IL15RA: variants seen among roughly 807,000 people sequenced by gnomAD.
The protein encoded by IL15RA is interleukin 15 receptor subunit alpha, also known as interleukin-15 receptor subunit alpha.
A neutral mutation model predicts 24.2 loss-of-function variants in IL15RA; 26 were observed. The ratio of observed to expected loss-of-function variants is 1.07; its 90% CI spans 0.79 to 1.49. IL15RA has a LOEUF of 1.49. Among genes scored for constraint, IL15RA ranks in the 40% most tolerant of loss-of-function variants. IL15RA has a pLI of 0.00. For synonymous variants in IL15RA, 166 were observed against 157.6 expected, an observed-to-expected ratio of 1.05 and a Z score of -0.40; for missense variants, 354 against 356.4, an observed-to-expected ratio of 0.99 and a Z score of 0.05.
Position 5,966,160 on chromosome 10 carries a change from T to C in IL15RA, c.268A>G (p.Ser90Gly), listed in dbSNP as rs1411019646. Residue 90 changes from serine to glycine, a missense_variant, in exon 2 of 7, where the codon AGT becomes GGT. Ser to Gly is a moderately conservative substitution (Grantham distance 56, BLOSUM62 0). Transcript: ENST00000379977. The surrounding 1 kb of genome is among the most constrained non-coding windows in gnomAD (Gnocchi z 6.4). ...ATNVAHWTTP[S>G]LKCIRDPALV... Reference sequence around the variant, plus strand: ...GGCTACTCACTAATGCATTTGAGACTGGGGGTTGTCCAGTGGGCGACATTC... The same window carrying C: ...GGCTACTCACTAATGCATTTGAGACCGGGGGTTGTCCAGTGGGCGACATTC... 1 of 1,608,696 alleles carries C rather than the reference T, an allele frequency of 6.2e-7. No individual in the cohort carries two copies. Among genetic ancestry groups the C allele is most frequent in the Non-Finnish European group, 8.5e-7 (1 of 1,175,396 alleles).
chr10:5,967,560 T>C lies in IL15RA; in HGVS notation c.89-1221A>G, dbSNP rs1836793153. Among the ~76,000 whole-genome samples, 1 of 152,214 alleles carries C rather than the reference T, an allele frequency of 6.6e-6. No individual in the cohort carries two copies. The highest frequency in any genetic ancestry group is 2.1e-4 in the South Asian group (1 of 4,830). ...CACCTTATTCCCCATGAAGCATCATTTTCCCAAAGGCTGCTGTTGCTTTCA... is the reference window on the plus strand; with the variant it reads ...CACCTTATTCCCCATGAAGCATCATCTTCCCAAAGGCTGCTGTTGCTTTCA... On this transcript the variant is annotated intron_variant, in intron 1 of 6. Coordinates refer to ENST00000379977, the MANE Select transcript of IL15RA (RefSeq NM_002189.4). This position sits in a 1 kb window ranked among gnomAD's most constrained non-coding sequence, Gnocchi z 4.4.
Position 5,953,162 on chromosome 10 carries a change from G to C in IL15RA, c.737C>G (p.Ala246Gly). 6.2e-7 allele frequency: 1 copy of C among 1,614,244 alleles called. No individual in the cohort carries two copies. Among genetic ancestry groups the C allele is most frequent in the Non-Finnish European group, 8.5e-7 (1 of 1,180,030 alleles). Residue 246 changes from alanine (A) to glycine (G), a missense_variant, in exon 7 of 7, where the codon GCT (alanine) becomes GGT (glycine). Physicochemically the swap from Ala to Gly is moderately conservative, Grantham distance 60. Transcript: ENST00000379977. The surrounding 1 kb of genome is among the most constrained non-coding windows in gnomAD (Gnocchi z 5.3). ...GCTGGTCCCCCAAGTCACCGGCAGA[G>C]CCTCCATGGCTTCCATTTCAACGCT... ...LASVEMEAME[A>G]LPVTWGTSSR...
At position 5,977,494 on chromosome 10, in the gene IL15RA, G is replaced by A; in HGVS notation, c.-2C>T. 2 of 1,351,560 alleles carry A rather than the reference G, an allele frequency of 1.5e-6. No homozygotes were observed. Among genetic ancestry groups the A allele is most frequent in the Non-Finnish European group, 1.9e-6 (2 of 1,053,330 alleles). The allele number at this position is 1,351,560 out of a possible 1,614,324, so 83.7% of individuals were successfully genotyped here. A position where few individuals can be genotyped will look rare whatever the true frequency, so the allele number is the denominator to read the frequency against. On this transcript the variant is annotated 5_prime_UTR_variant, in exon 1 of 7. Coordinates refer to ENST00000379977, the MANE Select transcript of IL15RA (RefSeq NM_002189.4). ...GCCGCGCGCCCGCCGCGGGGCCATG[G>A]CGGCAGCTCCACAGGACACCGCTGG...
At chr10:5,949,236 G>A (rs746122561), downstream of IL15RA, 3 of 471,272 alleles carry the variant, frequency 6.4e-6, no homozygotes, top group Non-Finnish European at 8.8e-6. The surrounding 1 kb of genome is among the most constrained non-coding windows in gnomAD (Gnocchi z 4.4). Flanking sequence ...ACTTTTCTCT[G>A]TGAGCTGCAA....
In IL15RA at chr10:5,961,872, G is replaced by A. The variant is rs8177694; in HGVS notation, c.383-1305C>T. Among the ~76,000 whole-genome samples the A allele has an allele frequency of 1.3e-5, 2 of 152,152 alleles. No homozygotes were observed. The highest frequency in any genetic ancestry group is 4.8e-5 in the African/African-American group (2 of 41,442). On this transcript the variant is annotated intron_variant, in intron 3 of 6. Coordinates refer to ENST00000379977, the MANE Select transcript of IL15RA (RefSeq NM_002189.4). The surrounding 1 kb of genome is among the most constrained non-coding windows in gnomAD (Gnocchi z 5.2). ...TCCCAGCCACACAGGTCATGAGAAG[G>A]CCTCACGCCCCTTAATCCTGTGTCA...
rs536133551 is a variant in IL15RA at position 5,953,576 on chromosome 10, C to A, written c.693-370G>T. 2.6e-5 allele frequency among the ~76,000 whole-genome samples: 4 copies of A among 152,278 alleles called. No individual in the cohort carries two copies. Among genetic ancestry groups the A allele is most frequent in the African/African-American group, 9.6e-5 (4 of 41,558 alleles). On this transcript the variant is annotated intron_variant, in intron 6 of 6. Coordinates refer to ENST00000379977, the MANE Select transcript of IL15RA (RefSeq NM_002189.4). This position sits in a 1 kb window ranked among gnomAD's most constrained non-coding sequence, Gnocchi z 5.3. ...AACCTCCCCATCCACCAAAGACTCA[C>A]CAAGTGCTGTTGGAGCAACTTACGC...
upstream of IL15RA, chr10:5,977,759 G>A: frequency 1.3e-6 from 1 of 779,482 alleles, no homozygotes; most frequent in Non-Finnish European, 1.7e-6. Flanking sequence ...CGTGCCCGGT[G>A]GGGACCCAGG....
chr10:5,963,784 C>A lies in IL15RA; in HGVS notation c.341G>T (p.Gly114Val), dbSNP rs765137239. 2 of 1,531,726 alleles carry A rather than the reference C, an allele frequency of 1.3e-6. No homozygotes were observed. Among genetic ancestry groups the A allele is most frequent in the South Asian group, 2.6e-5 (2 of 76,304 alleles). The allele number at this position is 1,531,726 out of a possible 1,614,324, so 94.9% of individuals were successfully genotyped here. A position where few individuals can be genotyped will look rare whatever the true frequency, so the allele number is the denominator to read the frequency against. ...GAGGCTCTCTGGCTGTGGGGTCACCCCTGCCGTCGTTACTGTGGAGGGTGG... is the reference window on the plus strand; with the variant it reads ...GAGGCTCTCTGGCTGTGGGGTCACCACTGCCGTCGTTACTGTGGAGGGTGG... ...PAPPSTVTTA[G>V]VTPQPESLSP... The change falls in exon 3 of 7, where the codon GGG (glycine) becomes GTG (valine). Residue 114 changes from glycine to valine, a missense_variant. Gly to Val is a moderately radical substitution (Grantham distance 109). Transcript: ENST00000379977. The surrounding 1 kb of genome is among the most constrained non-coding windows in gnomAD (Gnocchi z 5.3).
At position 5,968,884 on chromosome 10, in the gene IL15RA, A is replaced by G. The variant is rs778235997; in HGVS notation, c.89-2545T>C. 1.1e-4 allele frequency: 146 copies of G among 1,315,668 alleles called. No individual in the cohort carries two copies. The highest frequency in any genetic ancestry group is 1.5e-4 in the Non-Finnish European group (143 of 946,216). 81.5% of individuals were successfully genotyped at this position (1,315,668 alleles called of 1,614,324 possible). Reference sequence around the variant, plus strand: ...TGGACCTCATGGTTGAAGCTTTCAGATATTCTGCTCCTTCCCGCCAGGACA... The same window carrying G: ...TGGACCTCATGGTTGAAGCTTTCAGGTATTCTGCTCCTTCCCGCCAGGACA... On this transcript the variant is annotated intron_variant, in intron 1 of 6. Transcript: ENST00000379977. This position sits in a 1 kb window ranked among gnomAD's most constrained non-coding sequence, Gnocchi z 5.4.
chr10:5,949,398 T>G, downstream of IL15RA: 1 of 470,086 alleles, frequency 2.1e-6, no homozygotes, highest in South Asian at 1.5e-5. This position sits in a 1 kb window ranked among gnomAD's most constrained non-coding sequence, Gnocchi z 4.4. Context: ...TAATATTACC[T>G]AAAATATGCA....
In IL15RA at chr10:5,961,591, C is replaced by T. The variant is rs561643602; in HGVS notation, c.383-1024G>A. ...AGCCTGGGCTCTGGCCTGAACTCTC[C>T]GGGCTGTGTGGGAGGAAAGCGTCCT... On this transcript the variant is annotated intron_variant, in intron 3 of 6. Transcript: ENST00000379977. This position sits in a 1 kb window ranked among gnomAD's most constrained non-coding sequence, Gnocchi z 5.2. 1.8e-4 allele frequency among the ~76,000 whole-genome samples: 28 copies of T among 152,316 alleles called. No individual in the cohort carries two copies. In the South Asian group the frequency reaches 3.3e-3, roughly 18 times the overall value.
chr10:5,966,444 G>A lies in IL15RA; in HGVS notation c.89-105C>T, dbSNP rs532568154. On this transcript the variant is annotated intron_variant, in intron 1 of 6. Transcript: ENST00000379977. The surrounding 1 kb of genome is among the most constrained non-coding windows in gnomAD (Gnocchi z 6.4). The stretch of plus-strand genomic sequence containing the variant: ...TCAGTGTCCAGCTTATCCTAGGGGT[G>A]CCTCAGGACAAGCCCCAGGTGCCAG... 2 of 924,032 alleles carry A rather than the reference G, an allele frequency of 2.2e-6. No homozygotes were observed. Among genetic ancestry groups the A allele is most frequent in the Non-Finnish European group, 3.3e-6 (2 of 605,832 alleles). 57.2% of individuals were successfully genotyped at this position (924,032 alleles called of 1,614,324 possible).
In IL15RA at chr10:5,977,433, C is replaced by CAGCAGT; in HGVS notation, c.54_59dup (p.Leu22_Leu23dup). 7.3e-7 allele frequency: 1 copy of CAGCAGT among 1,361,540 alleles called. No individual in the cohort carries two copies. Among genetic ancestry groups the CAGCAGT allele is most frequent in the Non-Finnish European group, 9.4e-7 (1 of 1,060,598 alleles). 84.3% of individuals were successfully genotyped at this position (1,361,540 alleles called of 1,614,324 possible). ...GCGTCGCCGGCGGCCGGAGCAGCAG[C>CAGCAGT]AGCAGTAGCAGCGCCGGGAGACCGA... On this transcript the variant is annotated inframe_insertion, in exon 1 of 7. Transcript: ENST00000379977.
At position 5,959,064 on chromosome 10, in the gene IL15RA, G is replaced by T. The variant is rs980098566; in HGVS notation, c.616+690C>A. Among the ~76,000 whole-genome samples, 1 of 151,320 alleles carries T rather than the reference G, an allele frequency of 6.6e-6. No homozygotes were observed. The highest frequency in any genetic ancestry group is 2.4e-5 in the African/African-American group (1 of 41,086). The stretch of plus-strand genomic sequence containing the variant: ...TTTTCCTCCTTATCATCACTTGCAC[G>T]TTCTCTTTTCTATTCTCCTAGCCTT... On this transcript the variant is annotated intron_variant, in intron 5 of 6. Coordinates refer to ENST00000379977, the MANE Select transcript of IL15RA (RefSeq NM_002189.4). This position sits in a 1 kb window ranked among gnomAD's most constrained non-coding sequence, Gnocchi z 4.1.
rs1033364010 is a variant in IL15RA, at chr10:5,975,825, G to A, written c.88+1580C>T. ...GCAGAATCGCTTGAACCCAGGAGGC[G>A]GAGGTTGCAGTGAGCTGAGATCGCG... is the stretch of plus-strand genomic sequence containing the variant. On this transcript the variant is annotated intron_variant, in intron 1 of 6. Transcript: ENST00000379977. This position sits in a 1 kb window ranked among gnomAD's most constrained non-coding sequence, Gnocchi z 4.8. Among the ~76,000 whole-genome samples the A allele has an allele frequency of 3.3e-5, 5 of 152,140 alleles. No individual in the cohort carries two copies. The highest frequency in any genetic ancestry group is 7.2e-5 in the African/African-American group (3 of 41,428).
rs950982270 is a variant in IL15RA at position 5,953,727 on chromosome 10, A to G, written c.693-521T>C. ...AGAGTTGATCATCTTGAAAAAAGTGATTTAATATTCATGAAGCTTTTAAAA... is the reference window on the plus strand; with the variant it reads ...AGAGTTGATCATCTTGAAAAAAGTGGTTTAATATTCATGAAGCTTTTAAAA... On this transcript the variant is annotated intron_variant, in intron 6 of 6. Transcript: ENST00000379977. The surrounding 1 kb of genome is among the most constrained non-coding windows in gnomAD (Gnocchi z 5.3). 5.1e-5 allele frequency: 12 copies of G among 237,004 alleles called. No homozygotes were observed. In the Middle Eastern group the frequency reaches 4.5e-3, roughly 88 times the overall value. The allele number at this position is 237,004 out of a possible 1,614,324, so 14.7% of individuals were successfully genotyped here. A position where few individuals can be genotyped will look rare whatever the true frequency, so the allele number is the denominator to read the frequency against.
chr10:5,950,608 A>T (rs1413501331), downstream of IL15RA: 2 of 152,116 alleles, frequency 1.3e-5, no homozygotes, highest in Non-Finnish European at 2.9e-5. This position sits in a 1 kb window ranked among gnomAD's most constrained non-coding sequence, Gnocchi z 5.6. Flanking sequence ...CCCTTTCATC[A>T]TTCCTGGCCG....
At chr10:5,954,197 G>T (rs1274233058) in intron 6 of IL15RA, among the ~76,000 whole-genome samples, 2 of 130,136 alleles carry the variant, frequency 1.5e-5, no homozygotes, top group Non-Finnish European at 1.6e-5. Flanking sequence ...TCTGAGACAG[G>T]TTCTTGCTCT....
intron 6 of IL15RA, among the ~76,000 whole-genome samples, chr10:5,956,124 C>G (rs902194697): frequency 6.6e-6 from 1 of 152,126 alleles, no homozygotes; most frequent in African/African-American, 2.4e-5. Flanking sequence ...AAGCGATTCT[C>G]CTGCCTCAGC....
Sources: gnomAD v4.1 joint callset for allele counts (sites outside exome capture counted in the v4.1 genomes callset) on GRCh38, gnomAD v4.1.1 for gene constraint, Gnocchi (gnomAD v3.1) non-coding constraint, MANE v1.5 for transcripts, NCBI Gene and HGNC (gene_info 2026-07-23, HGNC 2026-07-21) for gene names.